The following ALDH1L1 variants were observed in gnomAD, a reference collection of about 807,000 sequenced individuals.
ALDH1L1 encodes cytosolic 10-formyltetrahydrofolate dehydrogenase.
A neutral mutation model predicts 101.1 loss-of-function variants in ALDH1L1; 68 were observed. The ratio of observed to expected loss-of-function variants is 0.67; its 90% CI spans 0.55 to 0.82. The LOEUF (loss-of-function observed/expected upper bound fraction) is 0.82, where lower values mean the gene tolerates loss of function less well. Among genes scored for constraint, ALDH1L1 ranks in the 40% least tolerant of loss-of-function variants. The pLI is 0.00. For missense variants in ALDH1L1, 1,087 were observed against 1,172.7 expected, an observed-to-expected ratio of 0.93 and a Z score of 1.07; for synonymous variants, 486 against 470.8, an observed-to-expected ratio of 1.03 and a Z score of -0.42.
chr3:126,191,419 T>A (rs959182477), intron 1 of ALDH1L1, among the ~76,000 whole-genome samples: 6 of 152,186 alleles, frequency 3.9e-5, no homozygotes, highest in African/African-American at 1.4e-4. Context: ...TTTTCCCTCA[T>A]GCCTGATTGC....
chr3:126,113,439 G>T (rs1946144006), intron 18 of ALDH1L1, among the ~76,000 whole-genome samples: 1 of 152,156 alleles, frequency 6.6e-6, no homozygotes, highest in Admixed American at 6.5e-5. Flanking sequence ...GCCCTCAGAG[G>T]CCCCAGGCAG....
chr3:126,114,929 T>C lies in ALDH1L1; in HGVS notation c.1983-273A>G, dbSNP rs368772835. The C allele has an allele frequency of 3.9e-5, 20 of 518,170 alleles. No individual in the cohort carries two copies. The East Asian group carries it at 7.4e-4, about 19-fold the overall frequency. 32.1% of individuals were successfully genotyped at this position (518,170 alleles called of 1,614,324 possible). On this transcript the variant is annotated intron_variant, in intron 17 of 22. Coordinates refer to ENST00000393434, the MANE Select transcript of ALDH1L1 (RefSeq NM_012190.4). ...ACACCTCATTTCCTGCAGGCCTGTG[T>C]TCCCTTCTCTGGGGTGCCTCCCTGA...
At chr3:126,128,967 C>G (rs1217812226) in intron 14 of ALDH1L1, 1 of 138,182 alleles carries the variant, frequency 7.2e-6, no homozygotes, top group Non-Finnish European at 1.6e-5. Context: ...TTTCAAAGCA[C>G]GACAAAGGTC....
chr3:126,126,596 A>C (rs2080191180), intron 14 of ALDH1L1, among the ~76,000 whole-genome samples: 2 of 152,000 alleles, frequency 1.3e-5, no homozygotes, highest in South Asian at 4.2e-4. Flanking sequence ...CCCCACACAC[A>C]CCCAGGAGAT....
intron 12 of ALDH1L1, chr3:126,135,190 C>T (rs1458032317): frequency 9.1e-6 from 2 of 219,436 alleles, no homozygotes; most frequent in Non-Finnish European, 1.8e-5. Flanking sequence ...AAGTCCCCTC[C>T]AGCCCAGGCT....
chr3:126,128,539 G>A (rs1158480941), intron 14 of ALDH1L1: 1 of 152,230 alleles, frequency 6.6e-6, no homozygotes, highest in Admixed American at 6.5e-5. Context: ...CCCCTGTGAA[G>A]GTGGGGAGGG....
chr3:126,130,700 C>T (rs1252078983), intron 13 of ALDH1L1, among the ~76,000 whole-genome samples: 1 of 152,230 alleles, frequency 6.6e-6, no homozygotes, highest in Non-Finnish European at 1.5e-5. Context: ...AGCCCACCTC[C>T]CTTGTCGCTG....
At chr3:126,116,816 G>A (rs1358752469) in intron 17 of ALDH1L1, among the ~76,000 whole-genome samples, 1 of 152,190 alleles carries the variant, frequency 6.6e-6, no homozygotes, top group Non-Finnish European at 1.5e-5. Context: ...TCAAACTGCT[G>A]TAATGGAACT....
At chr3:126,153,363 G>A (rs150176678) in intron 7 of ALDH1L1, 81 bp downstream of exon 7, 55 of 1,595,388 alleles carry the variant, frequency 3.4e-5, no homozygotes, top group Non-Finnish European at 4.3e-5. Flanking sequence ...AGGAGCCTAG[G>A]GTCTTCCTGT....
In ALDH1L1 at chr3:126,124,466, AG is replaced by A. The variant is rs745371848; in HGVS notation, c.1801-16del. 1.2e-6 allele frequency: 2 copies of A among 1,606,704 alleles called. No homozygotes were observed. The highest frequency in any genetic ancestry group is 1.7e-6 in the Non-Finnish European group (2 of 1,175,962). On this transcript the variant is annotated splice_polypyrimidine_tract_variant and intron_variant, in intron 15 of 22. Coordinates refer to ENST00000393434, the MANE Select transcript of ALDH1L1 (RefSeq NM_012190.4). ...AGTGGGGTCACCTGGGTGTGGGGCC[AG>A]GAAAGGAGACTGGGTAAGGAGGTTT...
At chr3:126,131,677 A>G in intron 12 of ALDH1L1, 143 bp from the exon 13 acceptor site, 2 of 888,786 alleles carry the variant, frequency 2.3e-6, no homozygotes, top group Non-Finnish European at 1.7e-6. Context: ...TCCGTTTCTG[A>G]TCCATGCAAT....
At chr3:126,131,238 A>T (rs1369129842) in intron 13 of ALDH1L1, 146 bp downstream of exon 13, 4 of 1,101,872 alleles carry the variant, frequency 3.6e-6, no homozygotes, top group Non-Finnish European at 3.8e-6. Context: ...CTGCAGGACC[A>T]CAAGCTAATA....
At chr3:126,186,560 C>T (rs929027094) in intron 1 of ALDH1L1, among the ~76,000 whole-genome samples, 8 of 152,164 alleles carry the variant, frequency 5.3e-5, no homozygotes, top group African/African-American at 1.7e-4. Flanking sequence ...TCATGGAACC[C>T]AGAGGAGTGC....
chr3:126,145,847 A>T (rs1209659794), intron 9 of ALDH1L1, among the ~76,000 whole-genome samples: 5 of 152,176 alleles, frequency 3.3e-5, no homozygotes, highest in Non-Finnish European at 1.5e-5. Flanking sequence ...CATTTTTTTT[A>T]AAAGGACATA....
intron 1 of ALDH1L1, among the ~76,000 whole-genome samples, chr3:126,178,998 G>T (rs2081420181): frequency 6.6e-6 from 1 of 152,148 alleles, no homozygotes; most frequent in African/African-American, 2.4e-5. Context: ...AGTCCAGGTG[G>T]CCACCAAGGG....
chr3:126,192,842 C>T (rs950423774), intron 1 of ALDH1L1, among the ~76,000 whole-genome samples: 1 of 152,152 alleles, frequency 6.6e-6, no homozygotes, highest in Non-Finnish European at 1.5e-5. Flanking sequence ...ATTCGTGAAT[C>T]GGGCAGCCCC....
chr3:126,196,263 C>G (rs925575437), intron 1 of ALDH1L1, among the ~76,000 whole-genome samples: 1 of 152,062 alleles, frequency 6.6e-6, no homozygotes, highest in African/African-American at 2.4e-5. Context: ...GCAAAACCGA[C>G]CTTCAAAAAT....
At position 126,125,637 on chromosome 3, in the gene ALDH1L1, T is replaced by G. The variant is rs1467965811; in HGVS notation, c.1779A>C (p.Thr593=). The G allele has an allele frequency of 1.3e-6, 2 of 1,595,770 alleles. No individual in the cohort carries two copies. The highest frequency in any genetic ancestry group is 1.7e-6 in the Non-Finnish European group (2 of 1,170,252). ...TCACCTGAGCAGGCTTGATCACCAC[T>G]GTGTTCCCGGCAGCCAGGCAGGCAG... is the stretch of plus-strand genomic sequence containing the variant. ...KTAACLAAGN[T]VVIKPAQVTP... is the part of the protein sequence containing the mutation. Residue 593 remains threonine (T), a synonymous_variant, in exon 15 of 23, where the codon ACA becomes ACC. Transcript: ENST00000393434.
At chr3:126,123,178 C>T (rs147002155) in intron 16 of ALDH1L1, among the ~76,000 whole-genome samples, 4 of 151,628 alleles carry the variant, frequency 2.6e-5, no homozygotes, top group South Asian at 2.1e-4. Flanking sequence ...AACACAAAAA[C>T]GATCATGAAA....
Sources: gnomAD v4.1 joint callset for allele counts (sites outside exome capture counted in the v4.1 genomes callset) on GRCh38, gnomAD v4.1.1 for gene constraint, MANE v1.5 for transcripts, NCBI Gene and HGNC (gene_info 2026-07-23, HGNC 2026-07-21) for gene names.